LRRC8B: variants seen among roughly 807,000 people sequenced by gnomAD.
The protein encoded by LRRC8B is leucine rich repeat containing 8 VRAC subunit B.
A neutral mutation model predicts 58.8 loss-of-function variants in LRRC8B; 23 were observed. That is an observed-to-expected ratio of 0.39 (90% CI 0.28 to 0.55). LRRC8B has a LOEUF of 0.55. Among genes scored for constraint, LRRC8B ranks in the 20% least tolerant of loss-of-function variants. The probability of loss-of-function intolerance (pLI) is 0.62; values close to 1 mark genes in which losing one functional copy is unlikely to be tolerated. For synonymous variants in LRRC8B, 359 were observed against 374.1 expected (o/e 0.96, Z 0.47); for missense variants, 694 against 936.0 (o/e 0.74, Z 3.37).
rs528048588 is a variant in LRRC8B, at chr1:89,594,583, G to T, written c.*1540G>T. 2 of 152,020 alleles carry T rather than the reference G, an allele frequency of 1.3e-5. No homozygotes were observed. The highest frequency in any genetic ancestry group is 4.8e-5 in the African/African-American group (2 of 41,402). The allele number at this position is 152,020 out of a possible 1,614,324, so 9.4% of individuals were successfully genotyped here. ...TATAATGTAAAACAGCCTCTATTCA[G>T]TGTCTAAAATGAGTTCTCAAAACCC... On this transcript the variant is annotated 3_prime_UTR_variant, in exon 6 of 6. Coordinates refer to ENST00000330947, the MANE Select transcript of LRRC8B (RefSeq NM_001369817.2).
intron 5 of LRRC8B, among the ~76,000 whole-genome samples, chr1:89,586,777 C>T (rs1255199282): frequency 6.6e-6 from 1 of 152,210 alleles, no homozygotes; most frequent in East Asian, 1.9e-4. Context: ...AGTTGCTGAT[C>T]ATCTTTGGAG....
At chr1:89,547,617 A>T (rs1166792493) in intron 1 of LRRC8B, among the ~76,000 whole-genome samples, 1 of 152,260 alleles carries the variant, frequency 6.6e-6, no homozygotes, top group Non-Finnish European at 1.5e-5. Flanking sequence ...CATTCCTTTG[A>T]TAAAATCATA....
chr1:89,546,427 T>G (rs987850117), intron 1 of LRRC8B, among the ~76,000 whole-genome samples: 3 of 152,190 alleles, frequency 2.0e-5, no homozygotes, highest in Admixed American at 2.0e-4. Context: ...GAGGACTTTT[T>G]GCGAACCAAG....
chr1:89,525,357 G>A (rs72957860), intron 1 of LRRC8B, among the ~76,000 whole-genome samples: 8,360 of 152,248 alleles, frequency 0.055, 274 homozygotes, highest in African/African-American at 0.085. Flanking sequence ...TTGCACCTGA[G>A]CGTGAGTCCT....
chr1:89,578,583 A>C (rs1021366385), intron 3 of LRRC8B, among the ~76,000 whole-genome samples: 2 of 152,222 alleles, frequency 1.3e-5, no homozygotes, highest in Non-Finnish European at 2.9e-5. Context: ...GGTAAACCCA[A>C]AGTAAGTTTT....
chr1:89,573,841 C>T lies in LRRC8B; in HGVS notation c.-125+5348C>T, dbSNP rs572384017. ...CCACTTAAGTGTTCATGACTTCCTA[C>T]GGTGGGCTAAACATGGCTGCTAAGG... is the stretch of plus-strand genomic sequence containing the variant. On this transcript the variant is annotated intron_variant, in intron 3 of 5. Coordinates refer to ENST00000330947, the MANE Select transcript of LRRC8B (RefSeq NM_001369817.2). 4.6e-5 allele frequency among the ~76,000 whole-genome samples: 7 copies of T among 152,278 alleles called. No individual in the cohort carries two copies. In the East Asian group the frequency reaches 5.8e-4, roughly 13 times the overall value.
intron 1 of LRRC8B, among the ~76,000 whole-genome samples, chr1:89,540,868 C>G (rs1247451938): frequency 6.6e-6 from 1 of 152,114 alleles, no homozygotes; most frequent in South Asian, 2.1e-4. Flanking sequence ...ATTCTATTTC[C>G]TTTTATCAGA....
At chr1:89,555,871 A>ATTAT (rs1479641834) in intron 1 of LRRC8B, among the ~76,000 whole-genome samples, 2 of 152,204 alleles carry the variant, frequency 1.3e-5, no homozygotes, top group Admixed American at 6.5e-5. Context: ...TATGTGTGTA[A>ATTAT]TAAAGTCATA....
chr1:89,556,537 G>C (rs560541301), intron 1 of LRRC8B, among the ~76,000 whole-genome samples: 1 of 152,090 alleles, frequency 6.6e-6, no homozygotes, highest in African/African-American at 2.4e-5. Flanking sequence ...GTAGAATGGA[G>C]CCCTTAAACC....
rs1016816078 is a variant in LRRC8B at position 89,597,812 on chromosome 1, A to G, written c.*4769A>G. On this transcript the variant is annotated 3_prime_UTR_variant, in exon 6 of 6. Coordinates refer to ENST00000330947, the MANE Select transcript of LRRC8B (RefSeq NM_001369817.2). ...TTTAAAGTACCTTTTGTGTAAAATA[A>G]AGATCCAATTTTTATAACAAATGGC... 3 of 152,192 alleles carry G rather than the reference A, an allele frequency of 2.0e-5. No individual in the cohort carries two copies. Among genetic ancestry groups the G allele is most frequent in the Non-Finnish European group, 4.4e-5 (3 of 68,032 alleles). 9.4% of individuals were successfully genotyped at this position (152,192 alleles called of 1,614,324 possible).
At chr1:89,573,779 C>T (rs1257184268) in intron 3 of LRRC8B, among the ~76,000 whole-genome samples, 1 of 152,198 alleles carries the variant, frequency 6.6e-6, no homozygotes, top group Non-Finnish European at 1.5e-5. Flanking sequence ...TCACTAAATT[C>T]TTTCTCTCAG....
intron 1 of LRRC8B, among the ~76,000 whole-genome samples, chr1:89,535,099 A>G (rs1169451738): frequency 6.6e-6 from 1 of 152,088 alleles, no homozygotes; most frequent in Admixed American, 6.5e-5. Context: ...GGGGAAAAAG[A>G]ATATGGCTGG....
Position 89,583,358 on chromosome 1 carries a change from C to T in LRRC8B, c.708C>T (p.Ala236=), listed in dbSNP as rs1351974534. 1.2e-6 allele frequency: 2 copies of T among 1,614,018 alleles called. No homozygotes were observed. Among genetic ancestry groups the T allele is most frequent in the African/African-American group, 1.3e-5 (1 of 74,904 alleles). Residue 236 remains alanine, a synonymous_variant, in exon 5 of 6, where the codon GCC becomes GCT. Coordinates refer to ENST00000330947, the MANE Select transcript of LRRC8B (RefSeq NM_001369817.2). The surrounding 1 kb of genome is among the most constrained non-coding windows in gnomAD (Gnocchi z 5.2). ...LDKKEGEQAK[A]IFEKVKRFRM... The stretch of plus-strand genomic sequence containing the variant: ...AGAAGGAGGGTGAACAGGCCAAAGC[C>T]ATCTTTGAAAAAGTGAAAAGATTCC...
intron 5 of LRRC8B, 145 bp downstream of exon 5, chr1:89,584,934 A>G: frequency 1.7e-6 from 1 of 586,222 alleles, no homozygotes; most frequent in Non-Finnish European, 2.9e-6. Context: ...AACACTGAGC[A>G]TCCATTTTTA....
At chr1:89,561,818 G>A (rs1652679049) in intron 1 of LRRC8B, among the ~76,000 whole-genome samples, 1 of 150,856 alleles carries the variant, frequency 6.6e-6, no homozygotes, top group African/African-American at 2.4e-5. Flanking sequence ...AAGTCAGGTA[G>A]TGTGATTCCT....
chr1:89,549,311 C>A (rs1651639895), intron 1 of LRRC8B, among the ~76,000 whole-genome samples: 1 of 152,094 alleles, frequency 6.6e-6, no homozygotes, highest in South Asian at 2.1e-4. Flanking sequence ...CAACACATAC[C>A]ACATCAGAAA....
At chr1:89,578,030 T>C (rs1381896488) in intron 3 of LRRC8B, among the ~76,000 whole-genome samples, 2 of 152,076 alleles carry the variant, frequency 1.3e-5, no homozygotes, top group African/African-American at 4.8e-5. Flanking sequence ...TTCTTAGAGG[T>C]TTTGTCACCT....
rs377400970 is a variant in LRRC8B, at chr1:89,594,645, A to C, written c.*1602A>C. On this transcript the variant is annotated 3_prime_UTR_variant, in exon 6 of 6. Transcript: ENST00000330947. ...GATCCATTTAACTGAAATTCATCTCATGCCTTTATCTAACTCTTCTGGAAA... is the reference window on the plus strand; with the variant it reads ...GATCCATTTAACTGAAATTCATCTCCTGCCTTTATCTAACTCTTCTGGAAA... 1.3e-5 allele frequency: 2 copies of C among 152,274 alleles called. No homozygotes were observed. The allele number at this position is 152,274 out of a possible 1,614,324, so 9.4% of individuals were successfully genotyped here.
chr1:89,565,271 C>T (rs17439454), intron 1 of LRRC8B, among the ~76,000 whole-genome samples: 30,426 of 151,974 alleles, frequency 0.2, 3,239 homozygotes, highest in Middle Eastern at 0.25. Flanking sequence ...CTAAGGTTAA[C>T]TTGTGGAAAA....
Sources: gnomAD v4.1 joint callset for allele counts (sites outside exome capture counted in the v4.1 genomes callset) on GRCh38, gnomAD v4.1.1 for gene constraint, Gnocchi (gnomAD v3.1) non-coding constraint, MANE v1.5 for transcripts, NCBI Gene and HGNC (gene_info 2026-07-23, HGNC 2026-07-21) for gene names.